Variants in PLCG2 observed in about 807,000 individuals in gnomAD.
The protein encoded by PLCG2 is 1-phosphatidylinositol 4,5-bisphosphate phosphodiesterase gamma-2.
In PLCG2, 69 loss-of-function variants were observed where a neutral mutation model predicts 175.6. The observed-to-expected ratio is 0.39, with a 90% CI of 0.32 to 0.48. The LOEUF is 0.48. Among genes scored for constraint, PLCG2 ranks in the 20% least tolerant of loss-of-function variants. The pLI is 0.91. For missense variants in PLCG2, 1,798 were observed against 1,650.9 expected, an observed-to-expected ratio of 1.09 and a Z score of -1.54; for synonymous variants, 827 against 624.0, an observed-to-expected ratio of 1.33 and a Z score of -4.85.
At chr16:81,841,438 A>C (rs933388539) in intron 2 of PLCG2, among the ~76,000 whole-genome samples, 2 of 151,964 alleles carry the variant, frequency 1.3e-5, no homozygotes, top group African/African-American at 4.8e-5. Context: ...ACAGCATTTC[A>C]CTATGTTGGC....
chr16:81,901,708 A>T (rs140341432), intron 14 of PLCG2, among the ~76,000 whole-genome samples: 1 of 152,246 alleles, frequency 6.6e-6, no homozygotes, highest in African/African-American at 2.4e-5. Context: ...GAGTGTTTTC[A>T]TATCCCGTTT....
At position 81,880,218 on chromosome 16, in the gene PLCG2, G is replaced by A. The variant is rs116482675; in HGVS notation, c.649-692G>A. On this transcript the variant is annotated intron_variant, in intron 7 of 32. Coordinates refer to ENST00000564138, the MANE Select transcript of PLCG2 (RefSeq NM_002661.5). ...GTCGTGCCACTGCACTCCAGCCTGGGTAACAGTGAGACCCCATCTCTAAAG... is the reference window on the plus strand; with the variant it reads ...GTCGTGCCACTGCACTCCAGCCTGGATAACAGTGAGACCCCATCTCTAAAG... Among the ~76,000 whole-genome samples, 971 of 152,300 alleles carry A rather than the reference G, an allele frequency of 6.4e-3. 13 individuals carry two copies. Among genetic ancestry groups the A allele is most frequent in the African/African-American group, 0.023 (939 of 41,554 alleles).
At chr16:81,741,007 C>T (rs1166834079) in intron 1 of PLCG2, among the ~76,000 whole-genome samples, 1 of 152,178 alleles carries the variant, frequency 6.6e-6, no homozygotes, top group Non-Finnish European at 1.5e-5. Flanking sequence ...AATCCATGCA[C>T]CCTCTGTGCC....
rs11865395 is a variant in PLCG2 at position 81,880,978 on chromosome 16, C to T, written c.692+25C>T. The T allele has an allele frequency of 0.31, 499,600 of 1,611,210 alleles. 79,459 individuals are homozygous for T. Among genetic ancestry groups the T allele is most frequent in the Middle Eastern group, 0.36 (2,162 of 6,046 alleles). ...GGTGAGGCAGCTCTTGTGTGTCGTTCGGGGCGGCTGTGCCGGACCTCGGTG... is the reference window on the plus strand; with the variant it reads ...GGTGAGGCAGCTCTTGTGTGTCGTTTGGGGCGGCTGTGCCGGACCTCGGTG... On this transcript the variant is annotated intron_variant, in intron 8 of 32. Transcript: ENST00000564138.
intron 19 of PLCG2, among the ~76,000 whole-genome samples, chr16:81,917,136 T>A (rs1376630792): frequency 6.6e-6 from 1 of 152,152 alleles, no homozygotes; most frequent in Non-Finnish European, 1.5e-5. Flanking sequence ...ACGTATGAGA[T>A]CCTGTGGTAT....
chr16:81,906,747 G>A (rs1379995962), intron 15 of PLCG2, among the ~76,000 whole-genome samples: 1 of 152,180 alleles, frequency 6.6e-6, no homozygotes, highest in African/African-American at 2.4e-5. Context: ...TTTAAGTAAA[G>A]AATTAAGTTG....
chr16:81,868,773 C>G (rs1401171541), intron 5 of PLCG2, among the ~76,000 whole-genome samples: 3 of 152,394 alleles, frequency 2.0e-5, no homozygotes, highest in Non-Finnish European at 4.4e-5. Context: ...TCTGCCCACA[C>G]TGAATCTCCT....
intron 30 of PLCG2, among the ~76,000 whole-genome samples, chr16:81,942,355 A>ATTTT (rs1910977747): frequency 6.6e-6 from 1 of 152,208 alleles, no homozygotes; most frequent in Non-Finnish European, 1.5e-5. Context: ...ACCTCAAGGG[A>ATTTT]GATTAAAAAT....
At chr16:81,798,076 C>G (rs985178306) in intron 2 of PLCG2, among the ~76,000 whole-genome samples, 1 of 152,088 alleles carries the variant, frequency 6.6e-6, no homozygotes, top group Non-Finnish European at 1.5e-5. Context: ...AGTGATCTGC[C>G]TGCATTGGCC....
Position 81,762,612 on chromosome 16 carries a change from C to G in PLCG2, c.-48+6646C>G, listed in dbSNP as rs188619901. 2.0e-3 allele frequency among the ~76,000 whole-genome samples: 307 copies of G among 150,902 alleles called. 2 individuals are homozygous for G. Among genetic ancestry groups the G allele is most frequent in the African/African-American group, 7.1e-3 (290 of 41,118 alleles). ...TAAAATTGTCTGTATTTTCCTTTAA[C>G]ATAAGGAACAGAGTCCTATAGATGA... On this transcript the variant is annotated intron_variant, in intron 2 of 5. Coordinates refer to the PLCG2 transcript ENST00000565054.
intron 2 of PLCG2, among the ~76,000 whole-genome samples, chr16:81,849,144 C>A (rs1036681880): frequency 6.6e-6 from 1 of 152,088 alleles, no homozygotes; most frequent in African/African-American, 2.4e-5. Flanking sequence ...GTCCTTACAG[C>A]AATGGGACGT....
intron 5 of PLCG2, among the ~76,000 whole-genome samples, chr16:81,868,468 C>T (rs969429953): frequency 2.0e-5 from 3 of 152,214 alleles, no homozygotes; most frequent in Non-Finnish European, 4.4e-5. Context: ...TCAGCTGGGT[C>T]TTTCCTGGCT....
At chr16:81,909,850 T>A (rs1217670597) in intron 17 of PLCG2, among the ~76,000 whole-genome samples, 1 of 152,126 alleles carries the variant, frequency 6.6e-6, no homozygotes, top group Non-Finnish European at 1.5e-5. Flanking sequence ...GTGGATACTG[T>A]TATCATTCCT....
chr16:81,889,724 A>C (rs528933421), intron 10 of PLCG2, among the ~76,000 whole-genome samples: 1 of 151,938 alleles, frequency 6.6e-6, no homozygotes, highest in African/African-American at 2.4e-5. Context: ...GTGGGATCTC[A>C]CCTCACTGCA....
intron 2 of PLCG2, among the ~76,000 whole-genome samples, chr16:81,809,860 C>CA (rs1302724904): frequency 3.3e-5 from 5 of 151,160 alleles, no homozygotes; most frequent in Admixed American, 1.3e-4. Flanking sequence ...CCAGCTCAAG[C>CA]AAAAAAAGAG....
intron 1 of PLCG2, among the ~76,000 whole-genome samples, chr16:81,752,111 G>T (rs1018658539): frequency 6.6e-6 from 1 of 152,108 alleles, no homozygotes; most frequent in East Asian, 1.9e-4. Flanking sequence ...CTGTGATGTA[G>T]GCCCCGTCTA....
chr16:81,877,282 G>T (rs753376141), intron 7 of PLCG2, among the ~76,000 whole-genome samples: 1 of 151,704 alleles, frequency 6.6e-6, no homozygotes, highest in Non-Finnish European at 1.5e-5. Context: ...GTGAAACCCT[G>T]TCTCTACTAA....
chr16:81,824,427 C>T (rs779081615), intron 2 of PLCG2, among the ~76,000 whole-genome samples: 10 of 152,236 alleles, frequency 6.6e-5, no homozygotes, highest in Non-Finnish European at 1.0e-4. Flanking sequence ...AGCCACTGCA[C>T]ATGGCCCCAG....
intron 2 of PLCG2, among the ~76,000 whole-genome samples, chr16:81,805,109 G>A (rs935335054): frequency 2.6e-5 from 4 of 152,072 alleles, no homozygotes; most frequent in Non-Finnish European, 4.4e-5. Context: ...AAACCTTTAG[G>A]TTAAGAGGTT....
Sources: allele counts gnomAD v4.1 joint callset (sites outside exome capture counted in the v4.1 genomes callset), GRCh38; gene constraint gnomAD v4.1.1; transcripts MANE v1.5; gene names NCBI Gene and HGNC (gene_info 2026-07-23, HGNC 2026-07-21).